Variants in CHUK observed in about 807,000 individuals in gnomAD.
The protein encoded by CHUK is inhibitor of nuclear factor kappa-B kinase subunit alpha.
In CHUK, 35 loss-of-function variants were observed where a neutral mutation model predicts 104.8. The ratio of observed to expected loss-of-function variants is 0.33; its 90% CI spans 0.26 to 0.44. CHUK has a LOEUF of 0.44. Ranked by LOEUF, CHUK falls within the 20% of genes least tolerant of loss-of-function variation. CHUK has a pLI of 1.00. For missense variants in CHUK, 663 were observed against 902.7 expected (o/e 0.73, Z 3.40); for synonymous variants, 276 against 291.9 (o/e 0.95, Z 0.56).
intron 20 of CHUK, among the ~76,000 whole-genome samples, chr10:100,189,828 T>C (rs1845152621): frequency 6.7e-6 from 1 of 149,406 alleles, no homozygotes; most frequent in Non-Finnish European, 1.5e-5. Flanking sequence ...TCTTTCCTTT[T>C]CTTTTCTTTT....
rs763933436 is a variant in CHUK, at chr10:100,190,916, T to A, written c.2161A>T (p.Ser721Cys). Reference sequence around the variant, plus strand: ...TCATTTGCCTCATGAATAATAGTGCTTAAATGGCCAAGGCAGTTCAAATTT... The same window carrying A: ...TCATTTGCCTCATGAATAATAGTGCATAAATGGCCAAGGCAGTTCAAATTT... The part of the protein sequence containing the change: ...EENLNCLGHL[S>C]TIIHEANEEQ... The change falls in exon 20 of 21, where the codon AGC (serine) becomes TGC (cysteine). Residue 721 changes from serine (S) to cysteine (C), a missense_variant. Coordinates refer to ENST00000370397, the MANE Select transcript of CHUK (RefSeq NM_001278.5). 1 of 1,612,930 alleles carries A rather than the reference T, an allele frequency of 6.2e-7. No individual in the cohort carries two copies. The highest frequency in any genetic ancestry group is 2.2e-5 in the East Asian group (1 of 44,894).
At chr10:100,208,306 C>T (rs1845637758) in intron 10 of CHUK, among the ~76,000 whole-genome samples, 1 of 152,174 alleles carries the variant, frequency 6.6e-6, no homozygotes, top group South Asian at 2.1e-4. Context: ...AGGGCTTCAA[C>T]ATGTTGCTCA....
chr10:100,202,573 TG>T (rs1185431063), intron 13 of CHUK, among the ~76,000 whole-genome samples: 4 of 152,178 alleles, frequency 2.6e-5, no homozygotes, highest in African/African-American at 9.7e-5. Context: ...AGAGAAAACA[TG>T]GCCCTGCCAA....
intron 10 of CHUK, among the ~76,000 whole-genome samples, chr10:100,208,803 G>T (rs963277126): frequency 1.1e-5 from 1 of 92,588 alleles, no homozygotes; most frequent in Non-Finnish European, 2.3e-5. Flanking sequence ...AAAACTGGAA[G>T]AGCCAGTGCC....
intron 9 of CHUK, 56 bp downstream of exon 9, chr10:100,217,939 A>G (rs1845896238): frequency 1.3e-6 from 2 of 1,525,134 alleles, no homozygotes; most frequent in Non-Finnish European, 9.1e-7. Context: ...CTAATTTTCC[A>G]AATAAACTTG....
chr10:100,226,261 T>C (rs1479044737), intron 1 of CHUK, among the ~76,000 whole-genome samples: 3 of 152,136 alleles, frequency 2.0e-5, no homozygotes, highest in Non-Finnish European at 4.4e-5. Flanking sequence ...ACTGATTTTA[T>C]AACAGGTCTT....
At chr10:100,226,124 T>TA in intron 1 of CHUK, 107 bp from the exon 2 acceptor site, 1 of 699,138 alleles carries the variant, frequency 1.4e-6, no homozygotes, top group Non-Finnish European at 2.6e-6. Context: ...CTTTACTAAT[T>TA]AAATATATTT....
intron 10 of CHUK, 115 bp from the exon 11 acceptor site, chr10:100,207,447 G>A: frequency 1.5e-6 from 1 of 664,670 alleles, no homozygotes; most frequent in Non-Finnish European, 2.7e-6. Flanking sequence ...CAAAATCAAT[G>A]TGTATTACCA....
intron 17 of CHUK, 119 bp downstream of exon 17, chr10:100,194,306 A>G (rs1845274597): frequency 1.9e-6 from 2 of 1,030,048 alleles, no homozygotes; most frequent in East Asian, 2.5e-5. Flanking sequence ...AAGCTACCCA[A>G]GGTACCTTCA....
At chr10:100,193,190 G>T in intron 19 of CHUK, 108 bp downstream of exon 19, 1 of 1,201,322 alleles carries the variant, frequency 8.3e-7, no homozygotes, top group Middle Eastern at 2.0e-4. Context: ...GGATAGTCAG[G>T]ACTCAACCCT....
At chr10:100,187,901 T>A (rs1242955005), downstream of CHUK, 1 of 152,256 alleles carries the variant, frequency 6.6e-6, no homozygotes, top group East Asian at 1.9e-4. Context: ...GCACTTTTAC[T>A]ATACTGCCTA....
At chr10:100,215,606 C>T (rs1170406568) in intron 9 of CHUK, among the ~76,000 whole-genome samples, 2 of 152,170 alleles carry the variant, frequency 1.3e-5, no homozygotes, top group Non-Finnish European at 2.9e-5. Flanking sequence ...AACTCTTCTA[C>T]ATATCTAAAG....
At chr10:100,221,474 C>T (rs957075105) in intron 4 of CHUK, among the ~76,000 whole-genome samples, 1 of 151,998 alleles carries the variant, frequency 6.6e-6, no homozygotes, top group Non-Finnish European at 1.5e-5. Flanking sequence ...GAGGACCCAT[C>T]CCTCAAGGAG....
intron 15 of CHUK, 40 bp from the exon 16 acceptor site, chr10:100,200,060 T>C (rs1845426920): frequency 7.1e-7 from 1 of 1,403,682 alleles, no homozygotes. Flanking sequence ...TGAAGGTAAT[T>C]TAATGACTTC....
At chr10:100,192,964 C>A in intron 19 of CHUK, 2 of 305,352 alleles carry the variant, frequency 6.5e-6, no homozygotes, top group South Asian at 3.6e-5. Context: ...AAGTAATAAG[C>A]CAATAAAAGA....
chr10:100,229,361 G>A (rs1385112985), intron 1 of CHUK, 67 bp downstream of exon 1: 1 of 1,189,206 alleles, frequency 8.4e-7, no homozygotes, highest in African/African-American at 1.5e-5. Context: ...TCAGCCCTGT[G>A]TTCCACAGAC....
rs1452070192 is a variant in CHUK, at chr10:100,225,922, C to T, written c.200+1G>A. On this transcript the variant is annotated splice_donor_variant, in intron 2 of 20. Transcript: ENST00000370397. LOFTEE classifies it high-confidence loss of function. ...AAATGTAAGTCAAGGAATACACTTA[C>T]TTCTTCATAATCTGGATTTCATGGC... 1 of 1,568,134 alleles carries T rather than the reference C, an allele frequency of 6.4e-7. No homozygotes were observed. The highest frequency in any genetic ancestry group is 8.8e-7 in the Non-Finnish European group (1 of 1,138,366).
chr10:100,188,757 GAATTAC>G lies in CHUK; in HGVS notation c.*835_*840del, dbSNP rs947546912. The G allele has an allele frequency of 2.6e-5, 4 of 152,102 alleles. No homozygotes were observed. Among genetic ancestry groups the G allele is most frequent in the Admixed American group, 6.5e-5 (1 of 15,282 alleles). 9.4% of individuals were successfully genotyped at this position (152,102 alleles called of 1,614,324 possible). On this transcript the variant is annotated 3_prime_UTR_variant, in exon 21 of 21. Transcript: ENST00000370397. The stretch of plus-strand genomic sequence containing the variant: ...TGTTTTCAGAGCTTTTTGGATTTTG[GAATTAC>G]AATTACAGATAAAGGAGTGCAGACC...
chr10:100,189,394 C>T lies in CHUK; in HGVS notation c.*204G>A, dbSNP rs1355208205. 1 of 539,226 alleles carries T rather than the reference C, an allele frequency of 1.9e-6. No homozygotes were observed. The highest frequency in any genetic ancestry group is 1.9e-5 in the African/African-American group (1 of 52,806). 33.4% of individuals were successfully genotyped at this position (539,226 alleles called of 1,614,324 possible). A position where few individuals can be genotyped will look rare whatever the true frequency, so the allele number is the denominator to read the frequency against. On this transcript the variant is annotated 3_prime_UTR_variant, in exon 21 of 21. Transcript: ENST00000370397. ...AAGTACATTGACTTTTTCTAAATTCCTGTCTGTTTAGAGGCTTGAATTACT... is the reference window on the plus strand; with the variant it reads ...AAGTACATTGACTTTTTCTAAATTCTTGTCTGTTTAGAGGCTTGAATTACT...
Sources: allele counts gnomAD v4.1 joint callset (sites outside exome capture counted in the v4.1 genomes callset), GRCh38; gene constraint gnomAD v4.1.1; transcripts MANE v1.5; gene names NCBI Gene and HGNC (gene_info 2026-07-23, HGNC 2026-07-21).